CTNNA3: variants seen among roughly 807,000 people sequenced by gnomAD.
CTNNA3 encodes catenin alpha-3.
In CTNNA3, 76 loss-of-function variants were observed where a neutral mutation model predicts 95.7. That is an observed-to-expected ratio of 0.79 (90% CI 0.66 to 0.96). The LOEUF is 0.96. Among genes scored for constraint, CTNNA3 ranks in the 40% least tolerant of loss-of-function variants. The probability of loss-of-function intolerance (pLI) is 0.00; values close to 1 mark genes in which losing one functional copy is unlikely to be tolerated. For synonymous variants in CTNNA3, 431 were observed against 374.4 expected (o/e 1.15, Z -1.74); for missense variants, 1,191 against 1,089.8 (o/e 1.09, Z -1.31).
intron 7 of CTNNA3, among the ~76,000 whole-genome samples, chr10:66,857,024 T>G (rs1320097158): frequency 6.6e-6 from 1 of 152,002 alleles, no homozygotes; most frequent in African/African-American, 2.4e-5. Flanking sequence ...TCAGCCAGGG[T>G]TTTTGTAGTT....
At chr10:66,879,988 C>A (rs1844782894) in intron 7 of CTNNA3, among the ~76,000 whole-genome samples, 1 of 152,012 alleles carries the variant, frequency 6.6e-6, no homozygotes, top group African/African-American at 2.4e-5. Flanking sequence ...GAAGATGTTG[C>A]AGCAAAGAAC....
intron 10 of CTNNA3, among the ~76,000 whole-genome samples, chr10:66,538,185 C>G (rs1337944238): frequency 1.3e-5 from 2 of 152,052 alleles, no homozygotes; most frequent in African/African-American, 4.8e-5. Flanking sequence ...TTTTATTTTC[C>G]TTTTTCCCTC....
chr10:66,065,893 C>T (rs753376709), intron 15 of CTNNA3, among the ~76,000 whole-genome samples: 3 of 151,880 alleles, frequency 2.0e-5, no homozygotes, highest in African/African-American at 7.3e-5. Context: ...GACAGAGTTT[C>T]GCTCTTGTTG....
chr10:66,605,273 A>G (rs1844078045), intron 10 of CTNNA3, among the ~76,000 whole-genome samples: 1 of 152,186 alleles, frequency 6.6e-6, no homozygotes, highest in African/African-American at 2.4e-5. Flanking sequence ...AAGAATGAAA[A>G]GGAATTAATA....
At chr10:66,090,653 C>T (rs903115700) in intron 14 of CTNNA3, among the ~76,000 whole-genome samples, 7 of 151,888 alleles carry the variant, frequency 4.6e-5, no homozygotes, top group African/African-American at 7.2e-5. Flanking sequence ...GCATCAGAAA[C>T]GAAGAGACAT....
At chr10:66,081,918 A>T (rs563835578) in intron 14 of CTNNA3, among the ~76,000 whole-genome samples, 1 of 152,200 alleles carries the variant, frequency 6.6e-6, no homozygotes, top group South Asian at 2.1e-4. Flanking sequence ...GGAATTCGAG[A>T]TCAGCCTGAC....
intron 5 of CTNNA3, among the ~76,000 whole-genome samples, chr10:67,417,354 A>G (rs116792998): frequency 0.011 from 1,674 of 152,280 alleles, 33 homozygotes; most frequent in African/African-American, 0.038. Flanking sequence ...TAGGCTCACT[A>G]CAACAGTGGA....
chr10:66,165,243 C>T (rs767278320), intron 13 of CTNNA3, among the ~76,000 whole-genome samples: 10 of 151,912 alleles, frequency 6.6e-5, no homozygotes, highest in Non-Finnish European at 1.0e-4. Flanking sequence ...AGAATGGGGA[C>T]CCTATAGCTC....
chr10:66,839,202 C>A (rs963668263), intron 7 of CTNNA3, among the ~76,000 whole-genome samples: 19 of 152,212 alleles, frequency 1.2e-4, no homozygotes, highest in Admixed American at 9.8e-4. Context: ...TAGAGCTGAG[C>A]CTTTCAAATC....
intron 10 of CTNNA3, among the ~76,000 whole-genome samples, chr10:66,609,101 C>T (rs1180077186): frequency 6.6e-6 from 1 of 151,608 alleles, no homozygotes; most frequent in African/African-American, 2.4e-5. Flanking sequence ...ACTGTGTCGC[C>T]CAGGCTGGAC....
At chr10:66,743,653 T>G (rs1849400798) in intron 9 of CTNNA3, among the ~76,000 whole-genome samples, 2 of 152,100 alleles carry the variant, frequency 1.3e-5, no homozygotes, top group South Asian at 2.1e-4. Context: ...AAGAATGCAT[T>G]CAGAAAGAGT....
At chr10:66,793,734 A>G (rs951893613) in intron 7 of CTNNA3, among the ~76,000 whole-genome samples, 7 of 152,144 alleles carry the variant, frequency 4.6e-5, no homozygotes, top group Non-Finnish European at 8.8e-5. Context: ...TAAACATTTT[A>G]TTGTAACTTT....
intron 5 of CTNNA3, among the ~76,000 whole-genome samples, chr10:67,443,617 T>G (rs898405591): frequency 4.6e-5 from 7 of 152,246 alleles, no homozygotes; most frequent in Non-Finnish European, 1.0e-4. Context: ...TCTGTTCATA[T>G]CCTTTGCCCA....
chr10:67,159,965 A>T (rs1193545405), intron 7 of CTNNA3, among the ~76,000 whole-genome samples: 1 of 152,198 alleles, frequency 6.6e-6, no homozygotes, highest in Non-Finnish European at 1.5e-5. Flanking sequence ...TGCAAATCAT[A>T]CATCTATCTG....
intron 7 of CTNNA3, among the ~76,000 whole-genome samples, chr10:66,903,208 C>T (rs1050267843): frequency 6.6e-6 from 1 of 152,286 alleles, no homozygotes; most frequent in Admixed American, 6.5e-5. Flanking sequence ...CCCTGAGATT[C>T]AAGGCTGGTT....
At chr10:67,118,631 T>C (rs1589759311) in intron 7 of CTNNA3, among the ~76,000 whole-genome samples, 1 of 151,936 alleles carries the variant, frequency 6.6e-6, no homozygotes, top group African/African-American at 2.4e-5. Context: ...TCATTTCAGT[T>C]ATAATTCATT....
intron 15 of CTNNA3, among the ~76,000 whole-genome samples, chr10:66,063,784 C>T (rs1487622117): frequency 2.6e-5 from 4 of 151,710 alleles, no homozygotes; most frequent in African/African-American, 4.8e-5. Context: ...CTATTTAATT[C>T]TATTTTCATT....
At chr10:67,459,520 ATGTT>A (rs1847299125) in intron 5 of CTNNA3, among the ~76,000 whole-genome samples, 1 of 152,252 alleles carries the variant, frequency 6.6e-6, no homozygotes, top group South Asian at 2.1e-4. Context: ...TCTTTGATGA[ATGTT>A]TTATAAGTCT....
chr10:67,584,078 A>T (rs1842527436), intron 3 of CTNNA3, among the ~76,000 whole-genome samples: 1 of 152,192 alleles, frequency 6.6e-6, no homozygotes, highest in African/African-American at 2.4e-5. Flanking sequence ...CATCAAAGTC[A>T]TTCTCCATCC....
Sources: gnomAD v4.1 joint callset for allele counts (sites outside exome capture counted in the v4.1 genomes callset) on GRCh38, gnomAD v4.1.1 for gene constraint, MANE v1.5 for transcripts, NCBI Gene and HGNC (gene_info 2026-07-23, HGNC 2026-07-21) for gene names.